INKA2: variants seen among roughly 807,000 people sequenced by gnomAD.
INKA2 encodes the protein PAK4-inhibitor INKA2.
A neutral mutation model predicts 9.8 loss-of-function variants in INKA2; 3 were observed. The ratio of observed to expected loss-of-function variants is 0.31; its 90% CI spans 0.14 to 0.79. INKA2 has a LOEUF of 0.79. Ranked by LOEUF, INKA2 falls within the 30% of genes least tolerant of loss-of-function variation. The probability of loss-of-function intolerance (pLI) is 0.62; values close to 1 mark genes in which losing one functional copy is unlikely to be tolerated. For synonymous variants in INKA2, 147 were observed against 143.3 expected, an observed-to-expected ratio of 1.03 and a Z score of -0.18; for missense variants, 392 against 384.4, an observed-to-expected ratio of 1.02 and a Z score of -0.17.
intron 1 of INKA2, 68 bp downstream of exon 1, chr1:111,739,118 G>C: frequency 1.3e-6 from 2 of 1,496,676 alleles, no homozygotes; most frequent in Non-Finnish European, 1.9e-6. Flanking sequence ...CCCGGGGGCC[G>C]GGGCGGAGAC....
chr1:111,738,349 C>T (rs998810673), intron 1 of INKA2, among the ~76,000 whole-genome samples: 3 of 152,072 alleles, frequency 2.0e-5, no homozygotes, highest in Non-Finnish European at 4.4e-5. Context: ...ACCTGGCTCT[C>T]CCTAACATAG....
In INKA2 at chr1:111,726,710, T is replaced by TGC. The variant is rs1173963191; in HGVS notation, c.*256_*257dup. 24 of 482,058 alleles carry TGC rather than the reference T, an allele frequency of 5.0e-5. No homozygotes were observed. The highest frequency in any genetic ancestry group is 8.2e-5 in the Non-Finnish European group (22 of 269,778). The allele number at this position is 482,058 out of a possible 1,614,324, so 29.9% of individuals were successfully genotyped here. On this transcript the variant is annotated 3_prime_UTR_variant, in exon 2 of 2. Coordinates refer to ENST00000357260, the MANE Select transcript of INKA2 (RefSeq NM_019099.5). The stretch of plus-strand genomic sequence containing the variant: ...CATGCATGCCAGACAGACACACACA[T>TGC]GCACACACACACACACACACGCACA...
At chr1:111,737,803 GA>G (rs1200226940) in intron 1 of INKA2, among the ~76,000 whole-genome samples, 1 of 152,234 alleles carries the variant, frequency 6.6e-6, no homozygotes, top group Non-Finnish European at 1.5e-5. Flanking sequence ...ACTAGAGAGA[GA>G]AATGATCGTT....
intron 1 of INKA2, among the ~76,000 whole-genome samples, chr1:111,748,833 G>A (rs960749508): frequency 1.3e-5 from 2 of 152,182 alleles, no homozygotes; most frequent in African/African-American, 2.4e-5. Flanking sequence ...ATTAGACAGT[G>A]ACAATTACTT....
chr1:111,731,404 A>AT (rs138636198), intron 1 of INKA2, among the ~76,000 whole-genome samples: 14,636 of 151,652 alleles, frequency 0.097, 773 homozygotes, highest in Non-Finnish European at 0.12. Flanking sequence ...AGGCTGGAGT[A>AT]TAATGGCATG....
intron 1 of INKA2, among the ~76,000 whole-genome samples, chr1:111,735,483 C>A (rs1470300845): frequency 6.6e-6 from 1 of 152,160 alleles, no homozygotes; most frequent in Non-Finnish European, 1.5e-5. Flanking sequence ...AACCAAGGCA[C>A]AATGAGGTTA....
intron 1 of INKA2, among the ~76,000 whole-genome samples, chr1:111,735,416 T>A (rs1430673437): frequency 6.6e-6 from 1 of 152,212 alleles, no homozygotes; most frequent in Non-Finnish European, 1.5e-5. Flanking sequence ...TGTCATTTAA[T>A]CTTCACAGTA....
At chr1:111,734,296 T>G (rs1025861322) in intron 1 of INKA2, among the ~76,000 whole-genome samples, 5 of 152,206 alleles carry the variant, frequency 3.3e-5, no homozygotes, top group South Asian at 2.1e-4. Flanking sequence ...AGATTGCCTC[T>G]TAGTCTCCGC....
chr1:111,734,431 TCTCTTGCCTGA>T lies in INKA2; in HGVS notation c.57+4744_57+4754del, dbSNP rs577078174. 3.4e-4 allele frequency among the ~76,000 whole-genome samples: 52 copies of T among 152,194 alleles called. No homozygotes were observed. In the East Asian group the frequency reaches 9.6e-3, roughly 28 times the overall value. ...TCCTTTCTGGTTCAGGCCTTCAGTG[TCTCTTGCCTGA>T]CTCTTGTAATAACCTTCTAACTCAT... On this transcript the variant is annotated intron_variant, in intron 1 of 1. Coordinates refer to ENST00000357260, the MANE Select transcript of INKA2 (RefSeq NM_019099.5).
Position 111,727,474 on chromosome 1 carries a change from G to T in INKA2, c.388C>A (p.Gln130Lys). The change falls in exon 2 of 2, where the codon CAG becomes AAG. Residue 130 changes from glutamine to lysine, a missense_variant. Gln to Lys is a moderately conservative substitution (Grantham distance 53). Transcript: ENST00000357260. The part of the protein sequence containing the change: ...PRTQPHQSCA[Q>K]QGPERVEPDD... ...GGTTCCACTCGCTCTGGCCCCTGCT[G>T]AGCACAGCTTTGATGTGGCTGTGTC... is the stretch of plus-strand genomic sequence containing the variant. The T allele has an allele frequency of 1.9e-6, 3 of 1,614,216 alleles. No individual in the cohort carries two copies. The highest frequency in any genetic ancestry group is 2.5e-6 in the Non-Finnish European group (3 of 1,180,048).
intron 1 of INKA2, chr1:111,745,229 T>TGTAC (rs1663233832): frequency 9.2e-6 from 1 of 108,600 alleles, no homozygotes; most frequent in East Asian, 2.4e-4. Context: ...GGCAAGCAAA[T>TGTAC]ATACACACAC....
intron 1 of INKA2, among the ~76,000 whole-genome samples, chr1:111,729,372 G>C (rs1662855582): frequency 6.6e-6 from 1 of 152,222 alleles, no homozygotes; most frequent in African/African-American, 2.4e-5. Context: ...AGTTGGCTCT[G>C]CCGCCCCGGC....
chr1:111,749,438 G>T (rs1663348891), intron 1 of INKA2, among the ~76,000 whole-genome samples: 1 of 146,572 alleles, frequency 6.8e-6, no homozygotes, highest in Non-Finnish European at 1.5e-5. Context: ...GTGTGTGTGT[G>T]TGTGTGTGCG....
rs1369985416 is a variant in INKA2, at chr1:111,723,192, C to A, written c.*3776G>T. On this transcript the variant is annotated 3_prime_UTR_variant, in exon 2 of 2. Transcript: ENST00000357260. ...AGGTGTGCTCTTGCTCTTGTCCAGA[C>A]CACGTAGGAAACGATGGTGTGACTT... 2 of 630,070 alleles carry A rather than the reference C, an allele frequency of 3.2e-6. No individual in the cohort carries two copies. The highest frequency in any genetic ancestry group is 5.7e-6 in the Non-Finnish European group (2 of 350,906). 39.0% of individuals were successfully genotyped at this position (630,070 alleles called of 1,614,324 possible).
chr1:111,733,407 C>T (rs543217932), intron 1 of INKA2, among the ~76,000 whole-genome samples: 12 of 152,300 alleles, frequency 7.9e-5, no homozygotes, highest in East Asian at 3.9e-4. Context: ...TCCAGGCCAA[C>T]GAGCTTTCCA....
Position 111,726,478 on chromosome 1 carries a change from A to C in INKA2, c.*490T>G. ...GGGTTCAGTCCCTGTGCCTGGAGCAATGTCTTGCCAAAGAAGCTGACAGAA... is the reference window on the plus strand; with the variant it reads ...GGGTTCAGTCCCTGTGCCTGGAGCACTGTCTTGCCAAAGAAGCTGACAGAA... On this transcript the variant is annotated 3_prime_UTR_variant, in exon 2 of 2. Transcript: ENST00000357260. 5.1e-6 allele frequency: 1 copy of C among 196,430 alleles called. No homozygotes were observed. The highest frequency in any genetic ancestry group is 1.0e-5 in the Non-Finnish European group (1 of 97,228). 12.2% of individuals were successfully genotyped at this position (196,430 alleles called of 1,614,324 possible).
chr1:111,726,740 A>G lies in INKA2; in HGVS notation c.*228T>C. 1.7e-6 allele frequency: 1 copy of G among 584,922 alleles called. No individual in the cohort carries two copies. The highest frequency in any genetic ancestry group is 3.0e-6 in the Non-Finnish European group (1 of 328,096). 36.2% of individuals were successfully genotyped at this position (584,922 alleles called of 1,614,324 possible). A position where few individuals can be genotyped will look rare whatever the true frequency, so the allele number is the denominator to read the frequency against. On this transcript the variant is annotated 3_prime_UTR_variant, in exon 2 of 2. Transcript: ENST00000357260. ...ACACACACACACACACGCACAGCTC[A>G]CTCTCCAGCTACTCTTACCTCCTCC...
At chr1:111,728,952 C>T (rs761964735) in intron 1 of INKA2, among the ~76,000 whole-genome samples, 20 of 137,818 alleles carry the variant, frequency 1.5e-4, no homozygotes, top group Admixed American at 2.4e-4. Context: ...TGGGCTGGAG[C>T]ACAGTGGTGA....
In INKA2 at chr1:111,727,315, C is replaced by T. The variant is rs763667741; in HGVS notation, c.547G>A (p.Glu183Lys). ...PELEKGGEKG[E>K]TGGAREPKGE... ...TTGGGTTCACGTGCCCCCCCAGTCTCACCCTTCTCCCCACCCTTCTCCAGT... is the reference window on the plus strand; with the variant it reads ...TTGGGTTCACGTGCCCCCCCAGTCTTACCCTTCTCCCCACCCTTCTCCAGT... Residue 183 changes from glutamate to lysine, a missense_variant, in exon 2 of 2, where the codon GAG (glutamate) becomes AAG (lysine). By Grantham distance (56) the Glu-to-Lys change is moderately conservative. Transcript: ENST00000357260. 1.9e-6 allele frequency: 3 copies of T among 1,614,206 alleles called. No homozygotes were observed. Among genetic ancestry groups the T allele is most frequent in the Non-Finnish European group, 2.5e-6 (3 of 1,180,030 alleles).
Sources: gnomAD v4.1 joint callset for allele counts (sites outside exome capture counted in the v4.1 genomes callset) on GRCh38, gnomAD v4.1.1 for gene constraint, MANE v1.5 for transcripts, NCBI Gene and HGNC (gene_info 2026-07-23, HGNC 2026-07-21) for gene names.